ZFHX3: variants seen among roughly 807,000 people sequenced by gnomAD.
The protein encoded by ZFHX3 is zinc finger homeobox protein 3.
A neutral mutation model predicts 279.1 loss-of-function variants in ZFHX3; 42 were observed. The observed-to-expected ratio is 0.15, with a 90% CI of 0.12 to 0.19. ZFHX3 has a LOEUF of 0.19. ZFHX3 is among the 10% of genes least tolerant of loss of function. The probability of loss-of-function intolerance (pLI) is 1.00; values close to 1 mark genes in which losing one functional copy is unlikely to be tolerated. For synonymous variants in ZFHX3, 2,293 were observed against 1,957.8 expected, an observed-to-expected ratio of 1.17 and a Z score of -4.52; for missense variants, 4,981 against 4,754.0, an observed-to-expected ratio of 1.05 and a Z score of -1.40.
chr16:72,811,495 A>G, intron 7 of ZFHX3, 82 bp downstream of exon 7: 1 of 1,342,492 alleles, frequency 7.4e-7, no homozygotes, highest in Non-Finnish European at 1.0e-6. Context: ...TTCTCGTCCA[A>G]TAATACAGTA....
At chr16:73,380,971 G>A (rs897873944) in intron 3 of ZFHX3, among the ~76,000 whole-genome samples, 5 of 152,132 alleles carry the variant, frequency 3.3e-5, no homozygotes, top group Non-Finnish European at 7.4e-5. Context: ...TACAGTAGCT[G>A]CTTCTCGCAT....
At chr16:73,212,754 C>T (rs563101897) in intron 5 of ZFHX3, among the ~76,000 whole-genome samples, 5 of 152,286 alleles carry the variant, frequency 3.3e-5, no homozygotes, top group African/African-American at 7.2e-5. Context: ...AGTATTGATA[C>T]GGAGTTGGCA....
At chr16:73,416,143 A>G (rs2017574844) in intron 3 of ZFHX3, among the ~76,000 whole-genome samples, 1 of 150,216 alleles carries the variant, frequency 6.7e-6, no homozygotes, top group African/African-American at 2.5e-5. Flanking sequence ...AAAAAACAAA[A>G]AACGGAAAAC....
chr16:73,480,440 C>T (rs760018217), intron 2 of ZFHX3, among the ~76,000 whole-genome samples: 2 of 152,170 alleles, frequency 1.3e-5, no homozygotes, highest in Non-Finnish European at 2.9e-5. Flanking sequence ...CCCTCACCTC[C>T]CCTATTTTTA....
chr16:73,589,881 G>A (rs1361383708), intron 2 of ZFHX3, among the ~76,000 whole-genome samples: 2 of 151,346 alleles, frequency 1.3e-5, no homozygotes, highest in East Asian at 3.9e-4. Context: ...AACAAGGGAC[G>A]CTAACTGTGT....
rs2035458370 is a variant in ZFHX3, at chr16:72,787,537, T to C, written c.10739A>G (p.Asp3580Gly). Residue 3580 changes from aspartate (D) to glycine (G), a missense_variant, in exon 10 of 10, where the codon GAT becomes GGT. Physicochemically the swap from Asp to Gly is moderately conservative, Grantham distance 94. Coordinates refer to ENST00000268489, the MANE Select transcript of ZFHX3 (RefSeq NM_006885.4). ...CTGCGAGGTAGATGCGGTGCTAGGA[T>C]CGGGGAAGCAGGCAGAGTGAGGTAA... is the stretch of plus-strand genomic sequence containing the variant. ...SLLPHSACFPDPSTASTSQSA... is the reference protein window; with the variant it reads ...SLLPHSACFPGPSTASTSQSA... The C allele has an allele frequency of 6.2e-7, 1 of 1,613,678 alleles. No homozygotes were observed. Among genetic ancestry groups the C allele is most frequent in the Non-Finnish European group, 8.5e-7 (1 of 1,179,910 alleles).
chr16:73,038,040 G>A (rs755943421), intron 1 of ZFHX3, among the ~76,000 whole-genome samples: 16 of 152,102 alleles, frequency 1.1e-4, no homozygotes, highest in African/African-American at 2.4e-4. Context: ...CTTAGATCTC[G>A]GCCATTAGTA....
intron 5 of ZFHX3, among the ~76,000 whole-genome samples, chr16:73,147,458 C>T (rs1449168870): frequency 1.3e-5 from 2 of 151,656 alleles, no homozygotes; most frequent in Admixed American, 6.6e-5. Flanking sequence ...TTTGGGAGGC[C>T]GAGGCGGGCG....
intron 4 of ZFHX3, among the ~76,000 whole-genome samples, chr16:72,871,811 C>T (rs190198383): frequency 1.3e-4 from 19 of 148,506 alleles, no homozygotes; most frequent in African/African-American, 3.2e-4. Flanking sequence ...ATTGGCTGGG[C>T]GCGGTGGCTC....
intron 1 of ZFHX3, among the ~76,000 whole-genome samples, chr16:73,778,232 G>A (rs1057437835): frequency 4.2e-5 from 2 of 48,114 alleles, no homozygotes; most frequent in Non-Finnish European, 6.7e-5. Flanking sequence ...TGTTGAAGGA[G>A]TGTTAAAAAA....
At chr16:73,588,858 T>C (rs1469938220) in intron 2 of ZFHX3, among the ~76,000 whole-genome samples, 2 of 151,754 alleles carry the variant, frequency 1.3e-5, no homozygotes, top group African/African-American at 2.4e-5. Context: ...GAGAGAAAGA[T>C]TGAGAGAGAA....
chr16:72,961,816 A>C (rs756597615), intron 1 of ZFHX3, among the ~76,000 whole-genome samples: 2 of 152,184 alleles, frequency 1.3e-5, no homozygotes, highest in Admixed American at 6.5e-5. Context: ...ATAACTTCAG[A>C]TTTTGCAACC....
Position 73,426,185 on chromosome 16 carries a change from G to C in ZFHX3, c.-1291+29818C>G, listed in dbSNP as rs143624090. ...CACTGGTGACAAATGGGCTCTCTGT[G>C]CCTGTGACCTGGTGGGGCCAATTAA... On this transcript the variant is annotated intron_variant, in intron 3 of 17. Transcript: ENST00000641206. Among the ~76,000 whole-genome samples the C allele has an allele frequency of 3.7e-3, 568 of 152,280 alleles. 2 individuals are homozygous for C. Among genetic ancestry groups the C allele is most frequent in the African/African-American group, 0.013 (543 of 41,566 alleles).
intron 2 of ZFHX3, among the ~76,000 whole-genome samples, chr16:73,618,931 C>A (rs2052330967): frequency 6.6e-6 from 1 of 152,122 alleles, no homozygotes; most frequent in Non-Finnish European, 1.5e-5. Context: ...GGGACCATGA[C>A]TTGTCACAGC....
intron 6 of ZFHX3, chr16:73,137,620 G>T (rs1966816135): frequency 6.6e-6 from 1 of 152,060 alleles, no homozygotes; most frequent in South Asian, 2.1e-4. Context: ...GGTGCCCAGT[G>T]ACCTCCGGGT....
At chr16:73,664,884 CACTT>C (rs1170779615) in intron 2 of ZFHX3, among the ~76,000 whole-genome samples, 2 of 152,308 alleles carry the variant, frequency 1.3e-5, no homozygotes, top group African/African-American at 2.4e-5. Context: ...ACACAGCTAA[CACTT>C]AGTTAATGCA....
In ZFHX3 at chr16:73,355,412, C is replaced by T. The variant is rs543438361; in HGVS notation, c.-1290-37076G>A. On this transcript the variant is annotated intron_variant, in intron 3 of 17. Transcript: ENST00000641206. ...ATCCTGTCCCCTTGATTTGCACACACCAAGGAGTTCCTCTCTCAAGCCACA... is the reference window on the plus strand; with the variant it reads ...ATCCTGTCCCCTTGATTTGCACACATCAAGGAGTTCCTCTCTCAAGCCACA... 4.3e-4 allele frequency among the ~76,000 whole-genome samples: 65 copies of T among 152,260 alleles called. 1 individual carries two copies. In the South Asian group the frequency reaches 0.013, roughly 30 times the overall value.
chr16:73,288,182 G>A (rs2014677992), intron 4 of ZFHX3, among the ~76,000 whole-genome samples: 1 of 151,830 alleles, frequency 6.6e-6, no homozygotes, highest in East Asian at 1.9e-4. Flanking sequence ...AGGGAGGGAG[G>A]GAGGGAGAGA....
intron 1 of ZFHX3, among the ~76,000 whole-genome samples, chr16:72,967,838 G>A (rs1397281165): frequency 1.3e-5 from 2 of 150,752 alleles, no homozygotes; most frequent in African/African-American, 4.9e-5. Flanking sequence ...TGAGGCAGGA[G>A]AATGGCGTGA....
Sources: allele counts gnomAD v4.1 joint callset (sites outside exome capture counted in the v4.1 genomes callset), GRCh38; gene constraint gnomAD v4.1.1; transcripts MANE v1.5; gene names NCBI Gene and HGNC (gene_info 2026-07-23, HGNC 2026-07-21).